The following TTN variants were observed in gnomAD, a reference collection of about 807,000 sequenced individuals.
The protein encoded by TTN is connectin.
A neutral mutation model predicts 3,223.0 loss-of-function variants in TTN; 1,525 were observed. The observed-to-expected ratio is 0.47, with a 90% CI of 0.45 to 0.49. TTN has a LOEUF of 0.49. Ranked by LOEUF, TTN falls within the 20% of genes least tolerant of loss-of-function variation. The pLI is 0.00. For missense variants in TTN, 40,786 were observed against 43,424.0 expected (o/e 0.94, Z 5.40); for synonymous variants, 14,094 against 15,161.0 (o/e 0.93, Z 5.17).
chr2:178,673,557 C>CA, intron 152 of TTN, 76 bp downstream of exon 152: 1 of 1,206,026 alleles, frequency 8.3e-7, no homozygotes, highest in Non-Finnish European at 1.1e-6. Flanking sequence ...AGAAGGCAGT[C>CA]AAAAAAGAAA....
intron 236 of TTN, 91 bp from the exon 237 acceptor site, chr2:178,631,391 C>T: frequency 7.4e-7 from 1 of 1,348,260 alleles, no homozygotes; most frequent in South Asian, 1.4e-5. Flanking sequence ...TCACAGAGTT[C>T]TGAGTATCTT....
At chr2:178,799,441 T>C (rs1215121270) in intron 6 of TTN, 46 bp downstream of exon 6, 2 of 1,613,066 alleles carry the variant, frequency 1.2e-6, no homozygotes, top group African/African-American at 2.7e-5. Flanking sequence ...TTTCAAAACC[T>C]AGTTCCAAAA....
At chr2:178,745,714 C>T in intron 47 of TTN, 1 of 1,612,106 alleles carries the variant, frequency 6.2e-7, no homozygotes, top group East Asian at 2.2e-5. Flanking sequence ...TGCCACTTTC[C>T]TCAACAGTGA....
chr2:178,541,924 T>A (rs1694744687), intron 349 of TTN: 1 of 247,388 alleles, frequency 4.0e-6, no homozygotes, highest in South Asian at 1.3e-4. Flanking sequence ...GCACTCTGTA[T>A]TTTTTTCTCA....
At position 178,651,869 on chromosome 2, in the gene TTN, T is replaced by A. The variant is rs778963297; in HGVS notation, c.39379+15A>T. On this transcript the variant is annotated intron_variant, in intron 205 of 362. Transcript: ENST00000589042. ...AGAGTGGCCGAGGTGTCCTAGCAGC[T>A]TTCTTGCCATGTACCTTGTGGAGGC... 6.2e-7 allele frequency: 1 copy of A among 1,603,032 alleles called. No homozygotes were observed. Among genetic ancestry groups the A allele is most frequent in the Non-Finnish European group, 8.5e-7 (1 of 1,175,248 alleles).
In TTN at chr2:178,560,003, T is replaced by C; in HGVS notation, c.86129A>G (p.Tyr28710Cys). 1.2e-6 allele frequency: 2 copies of C among 1,613,810 alleles called. No individual in the cohort carries two copies. The highest frequency in any genetic ancestry group is 1.7e-6 in the Non-Finnish European group (2 of 1,179,822). Residue 28710 changes from tyrosine to cysteine, a missense_variant, in exon 326 of 363, where the codon TAT (tyrosine) becomes TGT (cysteine). Tyr to Cys is a radical substitution (Grantham distance 194, BLOSUM62 -2). Coordinates refer to ENST00000589042, the MANE Select transcript of TTN (RefSeq NM_001267550.2). Reference sequence around the variant, plus strand: ...TCCTGTTGTTAGTCCGCTTATTGTATATTCTGTCCCTCGTAAGCTCTGAAT... The same window carrying C: ...TCCTGTTGTTAGTCCGCTTATTGTACATTCTGTCCCTCGTAAGCTCTGAAT... ...TSIQSLRGTE[Y>C]TISGLTTGAE...
Position 178,536,052 on chromosome 2 carries a change from G to A in TTN, c.100695C>T (p.Ala33565=). The change falls in exon 357 of 363, where the codon GCC becomes GCT. Residue 33565 remains alanine, a synonymous_variant. Transcript: ENST00000589042. ...LIIASVTDDD[A]TVYQVRATNQ... Reference sequence around the variant, plus strand: ...TGGTAGCTCTGACTTGGTAAACTGTGGCATCATCATCTGTGACACTTGCAA... The same window carrying A: ...TGGTAGCTCTGACTTGGTAAACTGTAGCATCATCATCTGTGACACTTGCAA... The A allele has an allele frequency of 1.9e-6, 3 of 1,595,624 alleles. No individual in the cohort carries two copies. Among genetic ancestry groups the A allele is most frequent in the Non-Finnish European group, 2.6e-6 (3 of 1,168,422 alleles).
intron 149 of TTN, 117 bp downstream of exon 149, chr2:178,675,554 T>C (rs1237872726): frequency 6.3e-5 from 52 of 823,770 alleles, no homozygotes; most frequent in Non-Finnish European, 8.3e-5. Context: ...GAGTCAGAAA[T>C]GACGAATGTG....
chr2:178,726,486 A>T (rs1009069865), intron 69 of TTN: 1 of 153,834 alleles, frequency 6.5e-6, no homozygotes, highest in Admixed American at 6.5e-5. Flanking sequence ...TCAGCAAATG[A>T]TTACTGCAAT....
At position 178,697,211 on chromosome 2, in the gene TTN, T is replaced by A. The variant is rs761970081; in HGVS notation, c.30755-43A>T. On this transcript the variant is annotated intron_variant, in intron 112 of 362. Transcript: ENST00000589042. Reference sequence around the variant, plus strand: ...TAAAAATGTGTGTTTATTTTTAGATTACATTATTATTAATGTTTACTAATC... The same window carrying A: ...TAAAAATGTGTGTTTATTTTTAGATAACATTATTATTAATGTTTACTAATC... The A allele has an allele frequency of 1.3e-5, 18 of 1,438,576 alleles. No individual in the cohort carries two copies. In the Admixed American group the frequency reaches 2.5e-4, roughly 20 times the overall value. 89.1% of individuals were successfully genotyped at this position (1,438,576 alleles called of 1,614,324 possible).
intron 272 of TTN, 25 bp from the exon 273 acceptor site, chr2:178,609,595 G>A: frequency 1.3e-6 from 2 of 1,564,260 alleles, no homozygotes; most frequent in South Asian, 1.2e-5. Context: ...ACCAATAAAT[G>A]TTTTCAATTC....
chr2:178,764,155 C>A, intron 43 of TTN, 22 bp downstream of exon 43: 1 of 1,614,046 alleles, frequency 6.2e-7, no homozygotes, highest in East Asian at 2.2e-5. Context: ...TTGGCAATGA[C>A]ACCTTTTGTT....
chr2:178,719,100 G>A (rs897430102), intron 83 of TTN, 64 bp downstream of exon 83: 2 of 1,546,878 alleles, frequency 1.3e-6, no homozygotes, highest in Non-Finnish European at 8.7e-7. Context: ...TCCAGGGAAG[G>A]CAGGCACCAC....
In TTN at chr2:178,529,965, A is replaced by G. The variant is rs1447572736; in HGVS notation, c.106526T>C (p.Ile35509Thr). 11 of 1,589,628 alleles carry G rather than the reference A, an allele frequency of 6.9e-6. No homozygotes were observed. Among genetic ancestry groups the G allele is most frequent in the Non-Finnish European group, 9.4e-6 (11 of 1,174,194 alleles). The change falls in exon 359 of 363, where the codon ATA becomes ACA. Residue 35509 changes from isoleucine (I) to threonine (T), a missense_variant. Ile to Thr is a moderately conservative substitution (Grantham distance 89). Coordinates refer to ENST00000589042, the MANE Select transcript of TTN (RefSeq NM_001267550.2). ...GSVSSSCKLT[I>T]KAIKDTEAQK... is the part of the protein sequence containing the mutation. ...AAAAACAAAAGCCAACCTACCTTTT[A>G]TTGTTAATTTGCAGCTAGAGGACAC...
chr2:178,609,304 C>T lies in TTN; in HGVS notation c.52006G>A (p.Val17336Ile), dbSNP rs567781604. 5.1e-5 allele frequency: 81 copies of T among 1,603,136 alleles called. No homozygotes were observed. The highest frequency in any genetic ancestry group is 5.7e-5 in the Non-Finnish European group (67 of 1,174,714). Reference sequence around the variant, plus strand: ...TGGTCAGGTCGGAGAGAATCTCGGACGCGTAGCTGAGATTCTCCCTTTTTG... The same window carrying T: ...TGGTCAGGTCGGAGAGAATCTCGGATGCGTAGCTGAGATTCTCCCTTTTTG... ...NSKKGESQLR[V>I]RDSLRPDHGL... Residue 17336 changes from valine (V) to isoleucine (I), a missense_variant, in exon 273 of 363, where the codon GTC (valine) becomes ATC (isoleucine). Coordinates refer to ENST00000589042, the MANE Select transcript of TTN (RefSeq NM_001267550.2).
rs771483938 is a variant in TTN, at chr2:178,559,450, A to G, written c.86682T>C (p.Ser28894=). The G allele has an allele frequency of 3.3e-5, 53 of 1,613,662 alleles. No homozygotes were observed. The highest frequency in any genetic ancestry group is 4.2e-5 in the Non-Finnish European group (50 of 1,179,754). The change falls in exon 326 of 363, where the codon TCT becomes TCC. Residue 28894 remains serine (S), a synonymous_variant. Transcript: ENST00000589042. ...AGAGGCGGTTACAGTTGTTGGTCAC[A>G]GAGACCCATGCTTTCTTGCTGGCCT... ...KREASKKAWV[S]VTNNCNRLSY... is the part of the protein sequence containing the mutation.
Position 178,634,672 on chromosome 2 carries a change from G to C in TTN, c.42152-43C>G, listed in dbSNP as rs1357285355. 1.9e-6 allele frequency: 3 copies of C among 1,612,006 alleles called. No homozygotes were observed. The highest frequency in any genetic ancestry group is 2.2e-5 in the East Asian group (1 of 44,812). ...AGAATGAGGCTTTTCAGAATGCACA[G>C]GGAAGTGAAATAAAGTTGAGACCCC... On this transcript the variant is annotated intron_variant, in intron 229 of 362. Transcript: ENST00000589042. The surrounding 1 kb of genome is among the most constrained non-coding windows in gnomAD (Gnocchi z 4.6).
In TTN at chr2:178,607,429, T is replaced by A. The variant is rs1456581218; in HGVS notation, c.53259A>T (p.Lys17753Asn). ...VITATNSCGS[K>N]FAAARVEVFD... Reference sequence around the variant, plus strand: ...AAACTTCTACCCTGGCTGCTGCAAATTTGGAACCACAGCTATTTGTAGCTG... The same window carrying A: ...AAACTTCTACCCTGGCTGCTGCAAAATTGGAACCACAGCTATTTGTAGCTG... The change falls in exon 277 of 363, where the codon AAA (lysine) becomes AAT (asparagine). Residue 17753 changes from lysine (K) to asparagine (N), a missense_variant. Transcript: ENST00000589042. The A allele has an allele frequency of 6.2e-7, 1 of 1,613,072 alleles. No homozygotes were observed. The highest frequency in any genetic ancestry group is 1.3e-5 in the African/African-American group (1 of 74,878).
Position 178,681,371 on chromosome 2 carries a change from T to C in TTN, c.33247+5A>G, listed in dbSNP as rs2069355477. 1.9e-6 allele frequency: 3 copies of C among 1,610,110 alleles called. No homozygotes were observed. The highest frequency in any genetic ancestry group is 1.3e-5 in the African/African-American group (1 of 74,824). On this transcript the variant is annotated splice_donor_5th_base_variant and intron_variant, in intron 137 of 362. Transcript: ENST00000589042. ...GTTTTTGGTGATTATTACTCAGTAA[T>C]GTACCTTTGGGTGGTGGAGGTTTGA...
Sources: allele counts gnomAD v4.1 joint callset, GRCh38; gene constraint gnomAD v4.1.1; non-coding constraint Gnocchi (gnomAD v3.1); transcripts MANE v1.5; gene names NCBI Gene and HGNC (gene_info 2026-07-23, HGNC 2026-07-21).